Variants in NTRK3 observed in about 807,000 individuals in gnomAD.
The protein encoded by NTRK3 is neurotrophic receptor tyrosine kinase 3.
A neutral mutation model predicts 91.7 loss-of-function variants in NTRK3; 24 were observed. That is an observed-to-expected ratio of 0.26 (90% CI 0.19 to 0.37). The LOEUF (loss-of-function observed/expected upper bound fraction) is 0.37, where lower values mean the gene tolerates loss of function less well. Ranked by LOEUF, NTRK3 falls within the 10% of genes least tolerant of loss-of-function variation. The probability of loss-of-function intolerance (pLI) is 1.00; values close to 1 mark genes in which losing one functional copy is unlikely to be tolerated. For missense variants in NTRK3, 880 were observed against 1,068.9 expected, an observed-to-expected ratio of 0.82 and a Z score of 2.46; for synonymous variants, 483 against 404.0, an observed-to-expected ratio of 1.20 and a Z score of -2.34.
intron 13 of NTRK3, among the ~76,000 whole-genome samples, chr15:88,066,622 G>C (rs1324025406): frequency 6.6e-6 from 1 of 152,194 alleles, no homozygotes; most frequent in Non-Finnish European, 1.5e-5. Flanking sequence ...GAGGGGAGAA[G>C]CACATATGAG....
chr15:87,875,857 C>G (rs1169110630), exon 19 of NTRK3: 1 of 232,404 alleles, frequency 4.3e-6, no homozygotes, highest in Non-Finnish European at 8.5e-6. Flanking sequence ...GGATGAGAAA[C>G]TGAGAGGACC....
chr15:88,107,392 G>A (rs1199078335), intron 13 of NTRK3, among the ~76,000 whole-genome samples: 1 of 152,218 alleles, frequency 6.6e-6, no homozygotes, highest in Non-Finnish European at 1.5e-5. Context: ...ACAAAGAGCT[G>A]TGATCACATT....
chr15:87,946,788 A>G (rs2070554423), intron 14 of NTRK3, among the ~76,000 whole-genome samples: 1 of 152,002 alleles, frequency 6.6e-6, no homozygotes, highest in Non-Finnish European at 1.5e-5. Context: ...TAATAATAAA[A>G]ATAACTGCCA....
chr15:88,076,674 A>T (rs1293154605), intron 13 of NTRK3, among the ~76,000 whole-genome samples: 5 of 1,842 alleles, frequency 2.7e-3, no homozygotes, highest in Admixed American at 0.013. Context: ...TACATATGTA[A>T]AAAAAAAAAA....
At chr15:87,938,808 C>T (rs2069537540) in intron 15 of NTRK3, among the ~76,000 whole-genome samples, 1 of 152,136 alleles carries the variant, frequency 6.6e-6, no homozygotes, top group African/African-American at 2.4e-5. Flanking sequence ...ACATTAGAAA[C>T]CTTTCTACAT....
chr15:87,899,859 T>G (rs2066346744), intron 17 of NTRK3, among the ~76,000 whole-genome samples: 1 of 152,212 alleles, frequency 6.6e-6, no homozygotes, highest in Non-Finnish European at 1.5e-5. Flanking sequence ...GTTCACTGAC[T>G]GGCTGCTGGA....
chr15:88,209,343 G>T (rs2049048300), intron 3 of NTRK3, among the ~76,000 whole-genome samples: 2 of 152,208 alleles, frequency 1.3e-5, no homozygotes, highest in Non-Finnish European at 2.9e-5. Flanking sequence ...GATAAGGAAG[G>T]TGTATGCACA....
At chr15:87,909,988 G>A (rs1007672479) in intron 17 of NTRK3, among the ~76,000 whole-genome samples, 7 of 152,136 alleles carry the variant, frequency 4.6e-5, no homozygotes, top group East Asian at 1.9e-4. Flanking sequence ...ATGGCAGCCC[G>A]AACAAATGAA....
At chr15:88,184,806 G>A (rs1228618481) in intron 3 of NTRK3, among the ~76,000 whole-genome samples, 1 of 152,234 alleles carries the variant, frequency 6.6e-6, no homozygotes, top group Non-Finnish European at 1.5e-5. Context: ...AGCATCACCA[G>A]GGTCTAGACT....
At position 88,093,190 on chromosome 15, in the gene NTRK3, A is replaced by G. The variant is rs149787781; in HGVS notation, c.1396+33081T>C. Among the ~76,000 whole-genome samples, 77 of 152,094 alleles carry G rather than the reference A, an allele frequency of 5.1e-4. No homozygotes were observed. In the East Asian group the frequency reaches 0.014, roughly 27 times the overall value. ...TTTTTTCCCTTAATAAGGAATCTCA[A>G]ACATATGGAGAAGTGTTTTCTGGCA... On this transcript the variant is annotated intron_variant, in intron 13 of 18. Coordinates refer to ENST00000394480, the Ensembl canonical transcript of NTRK3.
At chr15:87,991,911 C>T (rs1289879167) in intron 14 of NTRK3, among the ~76,000 whole-genome samples, 1 of 151,240 alleles carries the variant, frequency 6.6e-6, no homozygotes, top group African/African-American at 2.4e-5. Context: ...CTCCCAGATG[C>T]TGTTGTGATT....
intron 14 of NTRK3, among the ~76,000 whole-genome samples, chr15:88,002,168 GTTTTTTTT>G (rs770668339): frequency 1.4e-5 from 1 of 70,162 alleles, no homozygotes; most frequent in African/African-American, 5.8e-5. Context: ...GATAGTGGTT[GTTTTTTTT>G]TTTTTTTTTT....
intron 14 of NTRK3, among the ~76,000 whole-genome samples, chr15:87,964,560 C>A (rs559312840): frequency 1.3e-5 from 2 of 152,112 alleles, no homozygotes; most frequent in African/African-American, 4.8e-5. Flanking sequence ...TTTAGTAAAT[C>A]TACTGAATGG....
intron 17 of NTRK3, chr15:87,916,297 G>A (rs2141794333): frequency 2.5e-6 from 1 of 405,856 alleles, no homozygotes; most frequent in South Asian, 6.0e-5. Context: ...TATATATTCA[G>A]TTTGTCTCAG....
At chr15:87,979,307 C>G (rs1295059188) in intron 14 of NTRK3, 1 of 1,427,214 alleles carries the variant, frequency 7.0e-7, no homozygotes, top group Admixed American at 1.7e-5. Flanking sequence ...CCCAGCCTAC[C>G]AAGGTGACAT....
chr15:88,158,801 G>A lies in NTRK3; in HGVS notation c.396-11398C>T, dbSNP rs534248168. Among the ~76,000 whole-genome samples, 25 of 152,268 alleles carry A rather than the reference G, an allele frequency of 1.6e-4. No homozygotes were observed. In the South Asian group the frequency reaches 3.7e-3, roughly 23 times the overall value. On this transcript the variant is annotated intron_variant, in intron 5 of 18. Transcript: ENST00000394480. ...CGGGGAGGTGGAGGCCAGGCCTGGC[G>A]TGGGAGCTGACTACCCCAGAGAGGC...
intron 5 of NTRK3, among the ~76,000 whole-genome samples, chr15:88,162,057 T>C (rs989798977): frequency 5.3e-5 from 8 of 152,158 alleles, no homozygotes; most frequent in Non-Finnish European, 1.0e-4. Flanking sequence ...ACTCCTGTAA[T>C]AAACCAGCAA....
At chr15:87,955,955 G>A (rs1337187644) in intron 14 of NTRK3, among the ~76,000 whole-genome samples, 1 of 152,194 alleles carries the variant, frequency 6.6e-6, no homozygotes, top group African/African-American at 2.4e-5. Flanking sequence ...GGAGCTCATC[G>A]GTATAGAGAA....
rs10588936 is a variant in NTRK3 at position 87,891,120 on chromosome 15, TAGAG to T, written c.2134-10696_2134-10693del. 5.6e-3 allele frequency among the ~76,000 whole-genome samples: 854 copies of T among 152,266 alleles called. 11 individuals are homozygous for T. Among genetic ancestry groups the T allele is most frequent in the African/African-American group, 0.019 (807 of 41,538 alleles). On this transcript the variant is annotated intron_variant, in intron 17 of 18. Coordinates refer to ENST00000394480, the Ensembl canonical transcript of NTRK3. ...TTTGTTTAAATAATATACAGTATAT[TAGAG>T]AGAGTTTCAAAATAACAGTTCAAAT...
Sources: gnomAD v4.1 joint callset for allele counts (sites outside exome capture counted in the v4.1 genomes callset) on GRCh38, gnomAD v4.1.1 for gene constraint, MANE v1.5 for transcripts, NCBI Gene and HGNC (gene_info 2026-07-23, HGNC 2026-07-21) for gene names.